Variants in RPA3 observed in about 807,000 individuals in gnomAD.
The protein encoded by RPA3 is replication protein A 14 kDa subunit.
RPA3 carries 24 observed loss-of-function variants against 13.7 expected under a neutral mutation model. The ratio of observed to expected loss-of-function variants is 1.75; its 90% CI spans 1.27 to 2.46. RPA3 has a LOEUF of 2.46. Among genes scored for constraint, RPA3 ranks in the 30% most tolerant of loss-of-function variants. RPA3 has a pLI of 0.00. For missense variants in RPA3, 183 were observed against 151.0 expected (o/e 1.21, Z -1.11); for synonymous variants, 59 against 51.2 (o/e 1.15, Z -0.65).
intron 4 of RPA3, among the ~76,000 whole-genome samples, chr7:7,678,826 A>C (rs1373082795): frequency 6.8e-5 from 2 of 29,326 alleles, no homozygotes; most frequent in African/African-American, 3.7e-4. Flanking sequence ...TTAGTTTATA[A>C]ACATATATTT....
In RPA3 at chr7:7,676,680, C is replaced by T. The variant is rs1337645972; in HGVS notation, c.-758+9150G>A. ...TATTTTGGCTAACCCAAACTTTTTA[C>T]TATTTAATAGTTTAAATGTTTTTAA... On this transcript the variant is annotated intron_variant, in intron 4 of 7. Coordinates refer to ENST00000223129, the MANE Select transcript of RPA3 (RefSeq NM_002947.5). 2.6e-5 allele frequency among the ~76,000 whole-genome samples: 4 copies of T among 152,126 alleles called. No homozygotes were observed. In the East Asian group the frequency reaches 7.7e-4, roughly 29 times the overall value.
intron 5 of RPA3, among the ~76,000 whole-genome samples, chr7:7,639,498 T>C (rs1224255424): frequency 6.6e-6 from 1 of 152,198 alleles, no homozygotes; most frequent in Non-Finnish European, 1.5e-5. Context: ...ACGGAGGGTA[T>C]GTTTTAAAAA....
At chr7:7,646,754 G>A (rs1015254694) in intron 4 of RPA3, among the ~76,000 whole-genome samples, 8 of 151,816 alleles carry the variant, frequency 5.3e-5, no homozygotes, top group South Asian at 2.1e-4. Context: ...CTCTCTGACC[G>A]TCCCCAGCCA....
chr7:7,638,466 G>A (rs1179226554), intron 6 of RPA3: 5 of 153,022 alleles, frequency 3.3e-5, no homozygotes, highest in African/African-American at 9.7e-5. Flanking sequence ...TGAGGGGCTG[G>A]TCGAGGCAGG....
chr7:7,717,493 T>C (rs1165722657), intron 1 of RPA3, among the ~76,000 whole-genome samples: 2 of 152,228 alleles, frequency 1.3e-5, no homozygotes, highest in Non-Finnish European at 2.9e-5. Context: ...AGTATTTACT[T>C]TATTAAATGA....
intron 4 of RPA3, among the ~76,000 whole-genome samples, chr7:7,659,948 A>G (rs1785434030): frequency 6.6e-6 from 1 of 152,298 alleles, no homozygotes; most frequent in South Asian, 2.1e-4. Flanking sequence ...GTCTCTTTGT[A>G]AGTCTCTAAG....
chr7:7,662,588 G>A (rs993274032), intron 4 of RPA3, among the ~76,000 whole-genome samples: 1 of 152,122 alleles, frequency 6.6e-6, no homozygotes, highest in African/African-American at 2.4e-5. Flanking sequence ...AACCCCTTAT[G>A]CCTCCTGGGT....
At chr7:7,642,943 C>T (rs1397007867) in intron 4 of RPA3, among the ~76,000 whole-genome samples, 2 of 152,112 alleles carry the variant, frequency 1.3e-5, no homozygotes, top group Admixed American at 6.5e-5. Flanking sequence ...TAAACAGAAA[C>T]GTATGTATCT....
intron 4 of RPA3, among the ~76,000 whole-genome samples, chr7:7,642,654 G>T (rs931076768): frequency 3.2e-4 from 48 of 152,146 alleles, no homozygotes; most frequent in African/African-American, 1.1e-3. Flanking sequence ...AATACATGAT[G>T]TACAGAAAAA....
At chr7:7,706,031 A>G (rs1780591011) in intron 2 of RPA3, among the ~76,000 whole-genome samples, 1 of 152,196 alleles carries the variant, frequency 6.6e-6, no homozygotes, top group Non-Finnish European at 1.5e-5. Flanking sequence ...CTATTTTTAC[A>G]TGGAAAAATA....
intron 4 of RPA3, chr7:7,673,536 A>T (rs1563108444): frequency 1.5e-6 from 1 of 651,784 alleles, no homozygotes; most frequent in South Asian, 1.8e-5. Flanking sequence ...ATTGATTTTA[A>T]ATTATTTCTT....
In RPA3 at chr7:7,699,055, G is replaced by A. The variant is rs1028038149; in HGVS notation, c.-1027-11727C>T. ...TAGTTTGTGTGTGTGTGTGTGGGGGGGGGGTAGATACCAGGTTTGCTATGT... is the reference window on the plus strand; with the variant it reads ...TAGTTTGTGTGTGTGTGTGTGGGGGAGGGGTAGATACCAGGTTTGCTATGT... On this transcript the variant is annotated intron_variant, in intron 2 of 7. Coordinates refer to ENST00000223129, the MANE Select transcript of RPA3 (RefSeq NM_002947.5). Among the ~76,000 whole-genome samples the A allele has an allele frequency of 9.9e-5, 15 of 150,890 alleles. 1 individual carries two copies. Among genetic ancestry groups the A allele is most frequent in the Admixed American group, 9.9e-4 (15 of 15,122 alleles).
At chr7:7,716,993 C>T (rs1256841795) in intron 1 of RPA3, among the ~76,000 whole-genome samples, 2 of 152,010 alleles carry the variant, frequency 1.3e-5, no homozygotes, top group Non-Finnish European at 2.9e-5. Context: ...GAAACCCGTT[C>T]GGGACCCCTT....
At chr7:7,646,012 T>C (rs967252109) in intron 4 of RPA3, among the ~76,000 whole-genome samples, 1 of 152,140 alleles carries the variant, frequency 6.6e-6, no homozygotes, top group African/African-American at 2.4e-5. Context: ...AGAGGGAGCA[T>C]GCAGGTGAGC....
chr7:7,660,812 G>A (rs572216535), intron 4 of RPA3, among the ~76,000 whole-genome samples: 2 of 152,116 alleles, frequency 1.3e-5, no homozygotes, highest in African/African-American at 2.4e-5. Context: ...TATCTTTGTG[G>A]TGTTCTCTGT....
intron 4 of RPA3, among the ~76,000 whole-genome samples, chr7:7,680,126 T>C (rs1375692767): frequency 1.3e-5 from 2 of 152,162 alleles, no homozygotes; most frequent in Non-Finnish European, 2.9e-5. Flanking sequence ...CAGATTACTG[T>C]CCTGTAGCAT....
At chr7:7,684,266 A>G (rs1217730900) in intron 4 of RPA3, among the ~76,000 whole-genome samples, 1 of 152,044 alleles carries the variant, frequency 6.6e-6, no homozygotes, top group African/African-American at 2.4e-5. Flanking sequence ...CAGTGGCACA[A>G]TCTTGACTCA....
At chr7:7,637,649 G>T (rs999359460) in intron 7 of RPA3, among the ~76,000 whole-genome samples, 2 of 150,228 alleles carry the variant, frequency 1.3e-5, no homozygotes, top group African/African-American at 4.9e-5. Context: ...CAAAATGTAT[G>T]TTAAAACATA....
chr7:7,648,760 G>A lies in RPA3; in HGVS notation c.-757-7585C>T, dbSNP rs923557394. ...CCTAGCTACTTGGGAGGCTGAGGTG[G>A]GAGGATGGCTTGAGTTCAGGAGGTG... On this transcript the variant is annotated intron_variant, in intron 4 of 7. Transcript: ENST00000223129. Among the ~76,000 whole-genome samples, 6 of 152,206 alleles carry A rather than the reference G, an allele frequency of 3.9e-5. No homozygotes were observed. In the East Asian group the frequency reaches 1.2e-3, roughly 29 times the overall value.
Sources: gnomAD v4.1 joint callset for allele counts (sites outside exome capture counted in the v4.1 genomes callset) on GRCh38, gnomAD v4.1.1 for gene constraint, MANE v1.5 for transcripts, NCBI Gene and HGNC (gene_info 2026-07-23, HGNC 2026-07-21) for gene names.